Variants in GCGR observed in about 807,000 individuals in gnomAD.
GCGR encodes glucagon receptor.
In GCGR, 41 loss-of-function variants were observed where a neutral mutation model predicts 56.1. The ratio of observed to expected loss-of-function variants is 0.73; its 90% CI spans 0.57 to 0.95. The LOEUF is 0.95. Among genes scored for constraint, GCGR ranks in the 40% least tolerant of loss-of-function variants. GCGR has a pLI of 0.00. For missense variants in GCGR, 595 were observed against 638.2 expected, an observed-to-expected ratio of 0.93 and a Z score of 0.73; for synonymous variants, 278 against 271.1, an observed-to-expected ratio of 1.03 and a Z score of -0.25.
At position 81,813,763 on chromosome 17, in the gene GCGR, C is replaced by T. The variant is rs1009733929; in HGVS notation, c.*74C>T. The T allele has an allele frequency of 3.0e-5, 43 of 1,415,926 alleles. No individual in the cohort carries two copies. Among genetic ancestry groups the T allele is most frequent in the Non-Finnish European group, 3.9e-5 (41 of 1,055,836 alleles). 87.7% of individuals were successfully genotyped at this position (1,415,926 alleles called of 1,614,324 possible). ...TCGCTGGACAACCCAGAACTGGACG[C>T]CCAGCTGAGGCTGGGGGCGGGGGAG... On this transcript the variant is annotated 3_prime_UTR_variant, in exon 14 of 14. Transcript: ENST00000400723. This position sits in a 1 kb window ranked among gnomAD's most constrained non-coding sequence, Gnocchi z 5.3.
In GCGR at chr17:81,804,675, G is replaced by T. The variant is rs1220894272; in HGVS notation, c.-178+426G>T. ...GGTCTCACCAGCGCTGTCTCCCCTC[G>T]GTGGGCTCCTGCCCCGAGGACTGCC... On this transcript the variant is annotated intron_variant, in intron 1 of 13. Transcript: ENST00000400723. This position sits in a 1 kb window ranked among gnomAD's most constrained non-coding sequence, Gnocchi z 8.2. Among the ~76,000 whole-genome samples the T allele has an allele frequency of 6.6e-6, 1 of 152,110 alleles. No individual in the cohort carries two copies. Among genetic ancestry groups the T allele is most frequent in the Non-Finnish European group, 1.5e-5 (1 of 67,976 alleles).
chr17:81,808,944 C>A lies in GCGR; in HGVS notation c.-75C>A, dbSNP rs188170286. The A allele has an allele frequency of 6.6e-7, 1 of 1,513,180 alleles. No individual in the cohort carries two copies. The highest frequency in any genetic ancestry group is 1.4e-5 in the African/African-American group (1 of 72,580). 93.7% of individuals were successfully genotyped at this position (1,513,180 alleles called of 1,614,324 possible). A position where few individuals can be genotyped will look rare whatever the true frequency, so the allele number is the denominator to read the frequency against. ...ACTCAGCTGCCCTCGGAGGAGCGTA[C>A]ACACCCACCAGGACTGCATTGCCCC... On this transcript the variant is annotated 5_prime_UTR_variant, in exon 2 of 14. Coordinates refer to ENST00000400723, the MANE Select transcript of GCGR (RefSeq NM_000160.5).
chr17:81,811,242 C>T lies in GCGR; in HGVS notation c.414C>T (p.Tyr138=). 6.5e-7 allele frequency: 1 copy of T among 1,536,310 alleles called. No individual in the cohort carries two copies. The highest frequency in any genetic ancestry group is 1.2e-5 in the South Asian group (1 of 84,068). The change falls in exon 6 of 14, where the codon TAC becomes TAT. Residue 138 remains tyrosine (Y), a synonymous_variant. Coordinates refer to ENST00000400723, the MANE Select transcript of GCGR (RefSeq NM_000160.5). The surrounding 1 kb of genome is among the most constrained non-coding windows in gnomAD (Gnocchi z 5.8). ...CGCAGAAGGAGGTGGCCAAGATGTA[C>T]AGCAGCTTCCAGGTGATGTACACAG... is the stretch of plus-strand genomic sequence containing the variant. ...IEVQKEVAKM[Y]SSFQVMYTVG...
Position 81,813,693 on chromosome 17 carries a change from C to A in GCGR, c.*4C>A. 6.5e-7 allele frequency: 1 copy of A among 1,533,822 alleles called. No individual in the cohort carries two copies. The highest frequency in any genetic ancestry group is 8.7e-7 in the Non-Finnish European group (1 of 1,145,824). ...ATTGGCTGAGAGCCCCTTCTGAACC[C>A]TGCTGGGACCCCAGCTAGGGCTGGA... On this transcript the variant is annotated 3_prime_UTR_variant, in exon 14 of 14. Coordinates refer to ENST00000400723, the MANE Select transcript of GCGR (RefSeq NM_000160.5). The surrounding 1 kb of genome is among the most constrained non-coding windows in gnomAD (Gnocchi z 5.3).
chr17:81,809,726 T>TGTCTGCCTGC lies in GCGR; in HGVS notation c.61-56_61-55insGTCTGCCTGC. 5.4e-6 allele frequency: 7 copies of TGTCTGCCTGC among 1,300,268 alleles called. No individual in the cohort carries two copies. The South Asian group carries it at 8.8e-5, about 16-fold the overall frequency. The allele number at this position is 1,300,268 out of a possible 1,614,324, so 80.5% of individuals were successfully genotyped here. On this transcript the variant is annotated intron_variant, in intron 2 of 13. Coordinates refer to ENST00000400723, the MANE Select transcript of GCGR (RefSeq NM_000160.5). ...GCCTGTCTGCCTGTCTGTCTGCCTG[T>TGTCTGCCTGC]CTGTCTGCCTGCCTGTCTGTCTGTC... is the stretch of plus-strand genomic sequence containing the variant.
rs886976203 is a variant in GCGR, at chr17:81,811,694, G to T, written c.701G>T (p.Gly234Val). 1.1e-5 allele frequency: 17 copies of T among 1,542,000 alleles called. No homozygotes were observed. The highest frequency in any genetic ancestry group is 1.4e-5 in the Non-Finnish European group (16 of 1,150,202). ...GTGGCCGCGGTGTTCATGCAATATG[G>T]CATCGTGGCCAACTACTGCTGGCTG... ...CRVAAVFMQYGIVANYCWLLV... is the reference protein window; with the variant it reads ...CRVAAVFMQYVIVANYCWLLV... Residue 234 changes from glycine (G) to valine (V), a missense_variant, in exon 8 of 14, where the codon GGC (glycine) becomes GTC (valine). Physicochemically the swap from Gly to Val is moderately radical, Grantham distance 109 (BLOSUM62 -3). Transcript: ENST00000400723. This position sits in a 1 kb window ranked among gnomAD's most constrained non-coding sequence, Gnocchi z 5.8.
chr17:81,804,436 C>G lies in GCGR; in HGVS notation c.-178+187C>G, dbSNP rs2037903900. ...CCCCCGTTCCCAACCCCGGCTCGGA[C>G]ACCACCCGGTCCTGCACCGTCGGGC... On this transcript the variant is annotated intron_variant, in intron 1 of 13. Coordinates refer to ENST00000400723, the MANE Select transcript of GCGR (RefSeq NM_000160.5). This position sits in a 1 kb window ranked among gnomAD's most constrained non-coding sequence, Gnocchi z 8.2. 6.6e-6 allele frequency among the ~76,000 whole-genome samples: 1 copy of G among 151,802 alleles called. No homozygotes were observed. The highest frequency in any genetic ancestry group is 1.5e-5 in the Non-Finnish European group (1 of 67,890).
intron 1 of GCGR, among the ~76,000 whole-genome samples, chr17:81,808,373 C>T (rs1019612319): frequency 7.2e-5 from 11 of 152,146 alleles, no homozygotes; most frequent in African/African-American, 2.7e-4. Flanking sequence ...TGGTCCCCCA[C>T]CCAAGAGCAT....
In GCGR at chr17:81,812,917, TC is replaced by T. The variant is rs1394398326; in HGVS notation, c.1149del (p.Phe384SerfsTer102). 1 of 1,535,994 alleles carries T rather than the reference TC, an allele frequency of 6.5e-7. No individual in the cohort carries two copies. Among genetic ancestry groups the T allele is most frequent in the South Asian group, 1.2e-5 (1 of 84,050 alleles). ...AQGTLRSAKLFFDLFLSSFQG... is the reference protein window; with the variant it reads ...AQGTLRSAKLXFDLFLSSFQG... ...GGCACCCTGCGCTCCGCCAAGCTCTTCTTCGACCTCTTCCTCAGCTCCTTCC... is the reference window on the plus strand; with the variant it reads ...GGCACCCTGCGCTCCGCCAAGCTCTTTTCGACCTCTTCCTCAGCTCCTTCC... On this transcript the variant is annotated frameshift_variant, in exon 12 of 14. Transcript: ENST00000400723. LOFTEE classifies it high-confidence loss of function. The surrounding 1 kb of genome is among the most constrained non-coding windows in gnomAD (Gnocchi z 8.5).
rs758161776 is a variant in GCGR at position 81,811,676 on chromosome 17, C to T, written c.683C>T (p.Ala228Val). ...DGAVAGCRVA[A>V]VFMQYGIVAN... ...GCGGTGGCTGGCTGCCGTGTGGCCG[C>T]GGTGTTCATGCAATATGGCATCGTG... The change falls in exon 8 of 14, where the codon GCG becomes GTG. Residue 228 changes from alanine to valine, a missense_variant. Ala to Val is a moderately conservative substitution (Grantham distance 64). Coordinates refer to ENST00000400723, the MANE Select transcript of GCGR (RefSeq NM_000160.5). This position sits in a 1 kb window ranked among gnomAD's most constrained non-coding sequence, Gnocchi z 5.8. 21 of 1,537,828 alleles carry T rather than the reference C, an allele frequency of 1.4e-5. No homozygotes were observed. The South Asian group carries it at 1.9e-4, about 14-fold the overall frequency.
intron 2 of GCGR, 113 bp downstream of exon 2, chr17:81,809,191 TCTGCCCGTCTGC>T (rs1254870016): frequency 1.6e-6 from 2 of 1,239,984 alleles, no homozygotes; most frequent in Non-Finnish European, 2.2e-6. Context: ...TGTCTGTCTG[TCTGCCCGTCTGC>T]CTGCCCATCT....
rs1159204232 is a variant in GCGR, at chr17:81,804,744, G to A, written c.-178+495G>A. ...CCAGGATGGGGTGAGGGGTGTCTGC[G>A]CCCCGCCTGGCCGCTCCTCTTCCGC... On this transcript the variant is annotated intron_variant, in intron 1 of 13. Coordinates refer to ENST00000400723, the MANE Select transcript of GCGR (RefSeq NM_000160.5). The surrounding 1 kb of genome is among the most constrained non-coding windows in gnomAD (Gnocchi z 8.2). Among the ~76,000 whole-genome samples the A allele has an allele frequency of 6.6e-6, 1 of 152,050 alleles. No individual in the cohort carries two copies. Among genetic ancestry groups the A allele is most frequent in the Non-Finnish European group, 1.5e-5 (1 of 67,974 alleles).
At position 81,810,819 on chromosome 17, in the gene GCGR, C is replaced by G; in HGVS notation, c.164-6C>G. 1 of 1,536,914 alleles carries G rather than the reference C, an allele frequency of 6.5e-7. No individual in the cohort carries two copies. Among genetic ancestry groups the G allele is most frequent in the Non-Finnish European group, 8.7e-7 (1 of 1,146,878 alleles). On this transcript the variant is annotated splice_polypyrimidine_tract_variant and splice_region_variant and intron_variant, in intron 3 of 13. Transcript: ENST00000400723. The surrounding 1 kb of genome is among the most constrained non-coding windows in gnomAD (Gnocchi z 4.6). Reference sequence around the variant, plus strand: ...CTGCTCTGCCCTGCCCTACCCTACCCTGCAGAGCTGGTGTGCAACAGAACC... The same window carrying G: ...CTGCTCTGCCCTGCCCTACCCTACCGTGCAGAGCTGGTGTGCAACAGAACC...
chr17:81,809,580 C>CGTCT (rs1310639121), intron 2 of GCGR, among the ~76,000 whole-genome samples: 10 of 116,036 alleles, frequency 8.6e-5, no homozygotes, highest in Admixed American at 6.6e-4. Context: ...CCTGTCTGTC[C>CGTCT]GTCTGTCCAT....
Position 81,813,793 on chromosome 17 carries a change from C to G in GCGR, c.*104C>G, listed in dbSNP as rs1598241384. ...CTGAGGCTGGGGGCGGGGGAGCCAA[C>G]AGCAGCCCCCACCTACCCCCCACCC... On this transcript the variant is annotated 3_prime_UTR_variant, in exon 14 of 14. Coordinates refer to ENST00000400723, the MANE Select transcript of GCGR (RefSeq NM_000160.5). The surrounding 1 kb of genome is among the most constrained non-coding windows in gnomAD (Gnocchi z 5.3). 3 of 1,100,796 alleles carry G rather than the reference C, an allele frequency of 2.7e-6. No individual in the cohort carries two copies. Among genetic ancestry groups the G allele is most frequent in the Non-Finnish European group, 3.8e-6 (3 of 783,402 alleles). 68.2% of individuals were successfully genotyped at this position (1,100,796 alleles called of 1,614,324 possible).
rs925408843 is a variant in GCGR, at chr17:81,804,554, G to A, written c.-178+305G>A. 6.6e-6 allele frequency among the ~76,000 whole-genome samples: 1 copy of A among 151,688 alleles called. No individual in the cohort carries two copies. The highest frequency in any genetic ancestry group is 1.5e-5 in the Non-Finnish European group (1 of 67,834). On this transcript the variant is annotated intron_variant, in intron 1 of 13. Transcript: ENST00000400723. The surrounding 1 kb of genome is among the most constrained non-coding windows in gnomAD (Gnocchi z 8.2). Reference sequence around the variant, plus strand: ...CGCTGGCCGCCTGGCGCCCTGCGGCGGCCACACTGCAGCGGCCACACTCCC... The same window carrying A: ...CGCTGGCCGCCTGGCGCCCTGCGGCAGCCACACTGCAGCGGCCACACTCCC...
In GCGR at chr17:81,811,667, G is replaced by C. The variant is rs371217388; in HGVS notation, c.674G>C (p.Arg225Pro). The C allele has an allele frequency of 6.5e-7, 1 of 1,536,900 alleles. No homozygotes were observed. Among genetic ancestry groups the C allele is most frequent in the Admixed American group, 2.0e-5 (1 of 51,018 alleles). The change falls in exon 8 of 14, where the codon CGT (arginine) becomes CCT (proline). Residue 225 changes from arginine (R) to proline (P), a missense_variant. Coordinates refer to ENST00000400723, the MANE Select transcript of GCGR (RefSeq NM_000160.5). This position sits in a 1 kb window ranked among gnomAD's most constrained non-coding sequence, Gnocchi z 5.8. ...WLSDGAVAGC[R>P]VAAVFMQYGI... is the part of the protein sequence containing the mutation. ...CTGTACCAGGCGGTGGCTGGCTGCC[G>C]TGTGGCCGCGGTGTTCATGCAATAT...
chr17:81,805,591 AC>A (rs1389209819), intron 1 of GCGR, among the ~76,000 whole-genome samples: 4 of 110,506 alleles, frequency 3.6e-5, no homozygotes, highest in Non-Finnish European at 7.1e-5. Flanking sequence ...CACCTCGGGA[AC>A]CCCCGCATTG....
rs1345487462 is a variant in GCGR at position 81,813,164 on chromosome 17, C to T, written c.1218+107C>T. On this transcript the variant is annotated intron_variant, in intron 13 of 13. Transcript: ENST00000400723. This position sits in a 1 kb window ranked among gnomAD's most constrained non-coding sequence, Gnocchi z 5.3. Reference sequence around the variant, plus strand: ...CCACCCCTGCCCGGGGGTTGGAACACGTGGGGCCCAAGCCTTTCCCTCCCC... The same window carrying T: ...CCACCCCTGCCCGGGGGTTGGAACATGTGGGGCCCAAGCCTTTCCCTCCCC... 2.6e-5 allele frequency: 39 copies of T among 1,475,856 alleles called. No individual in the cohort carries two copies. The highest frequency in any genetic ancestry group is 3.3e-5 in the Non-Finnish European group (36 of 1,094,114). The allele number at this position is 1,475,856 out of a possible 1,614,324, so 91.4% of individuals were successfully genotyped here.
Sources: allele counts gnomAD v4.1 joint callset (sites outside exome capture counted in the v4.1 genomes callset), GRCh38; gene constraint gnomAD v4.1.1; non-coding constraint Gnocchi (gnomAD v3.1); transcripts MANE v1.5; gene names NCBI Gene and HGNC (gene_info 2026-07-23, HGNC 2026-07-21).